The following KLF12 variants were observed in gnomAD, a reference collection of about 807,000 sequenced individuals.
The protein encoded by KLF12 is KLF transcription factor 12.
A neutral mutation model predicts 37.8 loss-of-function variants in KLF12; 9 were observed. The ratio of observed to expected loss-of-function variants is 0.24; its 90% CI spans 0.14 to 0.42. The LOEUF is 0.42. KLF12 is among the 10% of genes least tolerant of loss of function. The probability of loss-of-function intolerance (pLI) is 1.00; values close to 1 mark genes in which losing one functional copy is unlikely to be tolerated. For missense variants in KLF12, 411 were observed against 516.0 expected (o/e 0.80, Z 1.97); for synonymous variants, 208 against 202.1 (o/e 1.03, Z -0.25).
chr13:73,725,866 T>C (rs1876623383), intron 6 of KLF12, among the ~76,000 whole-genome samples: 1 of 150,664 alleles, frequency 6.6e-6, no homozygotes, highest in South Asian at 2.1e-4. Flanking sequence ...TTTATTTATT[T>C]ATTTATTTAT....
intron 4 of KLF12, among the ~76,000 whole-genome samples, chr13:73,829,669 C>G (rs890397204): frequency 6.6e-6 from 1 of 151,904 alleles, no homozygotes; most frequent in Non-Finnish European, 1.5e-5. Context: ...TATGCAAGGC[C>G]TCTGCAAATT....
intron 7 of KLF12, among the ~76,000 whole-genome samples, chr13:73,711,792 A>C (rs964531762): frequency 6.6e-6 from 1 of 152,324 alleles, no homozygotes; most frequent in South Asian, 2.1e-4. Flanking sequence ...TTTAAGAAAT[A>C]CATTTCGTAA....
Position 74,129,900 on chromosome 13 carries a change from A to T in KLF12, c.-32+3839T>A, listed in dbSNP as rs901324202. Among the ~76,000 whole-genome samples the T allele has an allele frequency of 6.6e-5, 10 of 152,338 alleles. No homozygotes were observed. In the South Asian group the frequency reaches 1.9e-3, roughly 28 times the overall value. On this transcript the variant is annotated intron_variant, in intron 1 of 7. Transcript: ENST00000377669. Reference sequence around the variant, plus strand: ...AGAAAGTAACCATTTAATCCACAGCATGTGTTCTCTACCACAAGAACTCAA... The same window carrying T: ...AGAAAGTAACCATTTAATCCACAGCTTGTGTTCTCTACCACAAGAACTCAA...
At chr13:74,018,678 CAATGAATTATTCACT>C (rs1343188407) in intron 1 of KLF12, among the ~76,000 whole-genome samples, 1 of 152,088 alleles carries the variant, frequency 6.6e-6, no homozygotes, top group East Asian at 1.9e-4. Flanking sequence ...TGTTTCTGCA[CAATGAATTATTCACT>C]AAGGGGGTGC....
chr13:74,051,957 C>T (rs1320664146), intron 1 of KLF12, among the ~76,000 whole-genome samples: 1 of 151,946 alleles, frequency 6.6e-6, no homozygotes, highest in Non-Finnish European at 1.5e-5. Flanking sequence ...TTGATCATTA[C>T]ACATTGTATA....
the KLF12 span, chr13:74,258,114 T>C: frequency 1.3e-5 from 2 of 151,992 alleles, 1 homozygote; most frequent in South Asian, 4.1e-4. Flanking sequence ...TTGTTAACAC[T>C]AAGGGCAACT....
intron 3 of KLF12, among the ~76,000 whole-genome samples, chr13:73,905,793 A>T (rs1210265195): frequency 6.7e-6 from 1 of 149,732 alleles, no homozygotes; most frequent in African/African-American, 2.6e-5. Context: ...GTTCATGAGG[A>T]TGGCTTCTCT....
chr13:73,987,411 A>T (rs906920444), intron 2 of KLF12, among the ~76,000 whole-genome samples: 4 of 152,140 alleles, frequency 2.6e-5, no homozygotes, highest in Non-Finnish European at 4.4e-5. Context: ...AAGTAAAAAA[A>T]TTTTAACTAA....
intron 4 of KLF12, among the ~76,000 whole-genome samples, chr13:73,827,858 C>A (rs190905618): frequency 1.2e-5 from 1 of 85,678 alleles, no homozygotes; most frequent in African/African-American, 3.9e-5. Context: ...CCACTGTGTC[C>A]GGGCCCATCC....
chr13:74,207,400 G>A, the KLF12 span, among the ~76,000 whole-genome samples: 483 of 152,356 alleles, frequency 3.2e-3, 3 homozygotes, highest in African/African-American at 0.011. Flanking sequence ...GGTCAGGTGG[G>A]CGAGGTGGCT....
At chr13:74,197,110 G>T in the KLF12 span, among the ~76,000 whole-genome samples, 1 of 151,860 alleles carries the variant, frequency 6.6e-6, no homozygotes, top group Non-Finnish European at 1.5e-5. Flanking sequence ...AGACAACTCA[G>T]AATTTATTTT....
upstream of KLF12, among the ~76,000 whole-genome samples, chr13:74,137,044 G>C (rs887885137): frequency 6.6e-6 from 1 of 152,178 alleles, no homozygotes; most frequent in Non-Finnish European, 1.5e-5. Context: ...ACACGCATGC[G>C]TTTCCAAACT....
chr13:74,200,100 G>A, the KLF12 span, among the ~76,000 whole-genome samples: 1 of 152,116 alleles, frequency 6.6e-6, no homozygotes, highest in African/African-American at 2.4e-5. Context: ...TAAACTGAGA[G>A]ACCAAGCTGT....
At chr13:73,813,754 G>C (rs1442699220) in intron 4 of KLF12, among the ~76,000 whole-genome samples, 2 of 152,196 alleles carry the variant, frequency 1.3e-5, no homozygotes. Context: ...AACAGGGCTT[G>C]CGTGACTAAA....
the KLF12 span, among the ~76,000 whole-genome samples, chr13:74,142,920 T>TA: frequency 6.6e-6 from 1 of 152,196 alleles, no homozygotes; most frequent in Non-Finnish European, 1.5e-5. Context: ...CATATGAAGT[T>TA]AAAATGAATC....
intron 3 of KLF12, among the ~76,000 whole-genome samples, chr13:73,884,630 G>A (rs1330809583): frequency 1.3e-5 from 2 of 152,178 alleles, no homozygotes; most frequent in Admixed American, 6.5e-5. Context: ...CTGCATGATG[G>A]AAATGCCCTC....
intron 5 of KLF12, among the ~76,000 whole-genome samples, chr13:73,786,721 A>C (rs1282088399): frequency 1.3e-5 from 2 of 148,916 alleles, no homozygotes; most frequent in African/African-American, 2.5e-5. Context: ...CACCCCTACT[A>C]TGCAAAAAAT....
intron 7 of KLF12, among the ~76,000 whole-genome samples, chr13:73,707,955 T>C (rs534690039): frequency 1.6e-4 from 25 of 152,240 alleles, no homozygotes; most frequent in African/African-American, 6.0e-4. Flanking sequence ...TGTGTACATA[T>C]GTGTGTGTGC....
At chr13:74,040,563 T>G (rs1456855210) in intron 1 of KLF12, among the ~76,000 whole-genome samples, 1 of 149,644 alleles carries the variant, frequency 6.7e-6, no homozygotes, top group Non-Finnish European at 1.5e-5. Context: ...TGCCTACAAA[T>G]TCTCACCTTT....
Sources: allele counts gnomAD v4.1 joint callset (sites outside exome capture counted in the v4.1 genomes callset), GRCh38; gene constraint gnomAD v4.1.1; transcripts MANE v1.5; gene names NCBI Gene and HGNC (gene_info 2026-07-23, HGNC 2026-07-21).